Variants in DLG2 observed in about 807,000 individuals in gnomAD.
The protein encoded by DLG2 is disks large homolog 2.
Under a neutral mutation model 132.5 loss-of-function variants are expected in DLG2, and 45 were observed. The ratio of observed to expected loss-of-function variants is 0.34; its 90% CI spans 0.27 to 0.44. The LOEUF (loss-of-function observed/expected upper bound fraction) is 0.44, where lower values mean the gene tolerates loss of function less well. Ranked by LOEUF, DLG2 falls within the 20% of genes least tolerant of loss-of-function variation. DLG2 has a pLI of 1.00. For missense variants in DLG2, 1,045 were observed against 1,196.9 expected, an observed-to-expected ratio of 0.87 and a Z score of 1.87; for synonymous variants, 424 against 419.6, an observed-to-expected ratio of 1.01 and a Z score of -0.13.
intron 7 of DLG2, among the ~76,000 whole-genome samples, chr11:84,505,138 T>C (rs2099235255): frequency 6.6e-6 from 1 of 152,140 alleles, no homozygotes; most frequent in Non-Finnish European, 1.5e-5. Flanking sequence ...GATATAGTAG[T>C]ATTAAAATGT....
chr11:83,520,278 C>T (rs2095429287), intron 21 of DLG2, among the ~76,000 whole-genome samples: 1 of 152,164 alleles, frequency 6.6e-6, no homozygotes, highest in Non-Finnish European at 1.5e-5. Flanking sequence ...AGTTGTGTCA[C>T]TCAGATTTCT....
intron 19 of DLG2, among the ~76,000 whole-genome samples, chr11:83,547,562 T>C (rs911471893): frequency 1.3e-5 from 2 of 152,094 alleles, no homozygotes; most frequent in African/African-American, 4.8e-5. Context: ...GGTGGCCTTT[T>C]ACAAACTGGG....
chr11:84,823,844 C>A (rs1184527101), intron 6 of DLG2, among the ~76,000 whole-genome samples: 2 of 151,516 alleles, frequency 1.3e-5, no homozygotes, highest in Non-Finnish European at 2.9e-5. Flanking sequence ...ATAAACCACA[C>A]AAAGATACAA....
intron 21 of DLG2, 44 bp downstream of exon 21, chr11:83,532,664 A>G (rs746157204): frequency 6.4e-7 from 1 of 1,562,670 alleles, no homozygotes; most frequent in Non-Finnish European, 8.8e-7. Context: ...AGTTAAATCC[A>G]TGGCAACTGA....
intron 6 of DLG2, among the ~76,000 whole-genome samples, chr11:84,953,230 A>G (rs1295857593): frequency 6.6e-6 from 1 of 152,206 alleles, no homozygotes; most frequent in African/African-American, 2.4e-5. Flanking sequence ...TCTGTTGGAT[A>G]ATATCCAAAT....
chr11:84,975,501 C>T (rs1438336101), intron 6 of DLG2, among the ~76,000 whole-genome samples: 1 of 152,124 alleles, frequency 6.6e-6, no homozygotes, highest in Non-Finnish European at 1.5e-5. Flanking sequence ...ATGAGAAATA[C>T]AACAAAGTGA....
chr11:84,929,473 T>C (rs1247606178), intron 6 of DLG2, among the ~76,000 whole-genome samples: 1 of 152,046 alleles, frequency 6.6e-6, no homozygotes, highest in Admixed American at 6.6e-5. Context: ...CAAAATTCCA[T>C]CAATGGCATA....
intron 3 of DLG2, among the ~76,000 whole-genome samples, chr11:85,461,736 G>C (rs1423207554): frequency 6.6e-6 from 1 of 152,172 alleles, no homozygotes; most frequent in Admixed American, 6.5e-5. Context: ...TGTCAATCTA[G>C]CATGTAGTGA....
At chr11:84,522,106 T>G (rs1263430159) in intron 7 of DLG2, among the ~76,000 whole-genome samples, 2 of 151,062 alleles carry the variant, frequency 1.3e-5, no homozygotes, top group East Asian at 3.9e-4. Context: ...AGGCAGAGAC[T>G]GCAGTGAGCA....
chr11:84,643,129 T>C (rs775073385), intron 6 of DLG2, among the ~76,000 whole-genome samples: 2 of 152,222 alleles, frequency 1.3e-5, no homozygotes, highest in Non-Finnish European at 2.9e-5. Flanking sequence ...AGGTAGATGC[T>C]CTGTGTGTCT....
chr11:84,714,257 A>T (rs573005385), intron 6 of DLG2, among the ~76,000 whole-genome samples: 31 of 152,242 alleles, frequency 2.0e-4, no homozygotes, highest in African/African-American at 7.0e-4. Context: ...TGCTAGTGAC[A>T]AAAAATATGC....
At chr11:83,524,189 A>G (rs1485335490) in intron 21 of DLG2, among the ~76,000 whole-genome samples, 1 of 151,788 alleles carries the variant, frequency 6.6e-6, no homozygotes, top group Non-Finnish European at 1.5e-5. Flanking sequence ...TTAGGCTTAG[A>G]TAAGTTATGA....
chr11:85,277,296 A>T (rs560973687), intron 4 of DLG2, among the ~76,000 whole-genome samples: 45 of 152,282 alleles, frequency 3.0e-4, no homozygotes, highest in Admixed American at 2.7e-3. Flanking sequence ...TGAAAGCCTG[A>T]ATTAGATCAG....
At chr11:84,572,286 G>A (rs1040692245) in intron 6 of DLG2, among the ~76,000 whole-genome samples, 4 of 152,090 alleles carry the variant, frequency 2.6e-5, no homozygotes, top group African/African-American at 9.7e-5. Context: ...AAGAGGTGGT[G>A]TCTATTATCT....
At chr11:83,884,455 G>A (rs879721669) in intron 15 of DLG2, among the ~76,000 whole-genome samples, 4 of 152,192 alleles carry the variant, frequency 2.6e-5, no homozygotes, top group Non-Finnish European at 2.9e-5. Context: ...CTGGAACTGG[G>A]TAGAGCCCAC....
chr11:85,458,383 T>G (rs2092487866), intron 3 of DLG2, among the ~76,000 whole-genome samples: 1 of 152,208 alleles, frequency 6.6e-6, no homozygotes, highest in Admixed American at 6.5e-5. Flanking sequence ...TGACATTGTT[T>G]TCAACCTCAA....
chr11:85,176,508 C>A (rs1051752601), intron 4 of DLG2, among the ~76,000 whole-genome samples: 1 of 152,014 alleles, frequency 6.6e-6, no homozygotes, highest in Non-Finnish European at 1.5e-5. Flanking sequence ...ACTATGAAAA[C>A]CCTAGAAGAA....
rs541875150 is a variant in DLG2 at position 84,399,313 on chromosome 11, G to A, written c.519+135257C>T. On this transcript the variant is annotated intron_variant, in intron 7 of 27. Coordinates refer to ENST00000376104, the MANE Select transcript of DLG2 (RefSeq NM_001142699.3). Reference sequence around the variant, plus strand: ...CTTTTTAATCTCATAGCCCTTTGTAGACACTTTCATTCACAGTGTCTCAAA... The same window carrying A: ...CTTTTTAATCTCATAGCCCTTTGTAAACACTTTCATTCACAGTGTCTCAAA... Among the ~76,000 whole-genome samples, 11 of 152,154 alleles carry A rather than the reference G, an allele frequency of 7.2e-5. No individual in the cohort carries two copies. In the South Asian group the frequency reaches 2.3e-3, roughly 32 times the overall value.
intron 3 of DLG2, among the ~76,000 whole-genome samples, chr11:85,537,510 A>C (rs575170829): frequency 3.4e-5 from 5 of 149,144 alleles, no homozygotes; most frequent in African/African-American, 1.3e-4. Flanking sequence ...GACAGGAGGG[A>C]TGAACAACTC....
Sources: gnomAD v4.1 joint callset for allele counts (sites outside exome capture counted in the v4.1 genomes callset) on GRCh38, gnomAD v4.1.1 for gene constraint, MANE v1.5 for transcripts, NCBI Gene and HGNC (gene_info 2026-07-23, HGNC 2026-07-21) for gene names.